ANKRD36C: variants seen among roughly 807,000 people sequenced by gnomAD.
ANKRD36C encodes the protein ankyrin repeat domain-containing protein 36C.
A neutral mutation model predicts 276.4 loss-of-function variants in ANKRD36C; 61 were observed. That is an observed-to-expected ratio of 0.22 (90% CI 0.18 to 0.27). The LOEUF (loss-of-function observed/expected upper bound fraction) is 0.27. Ranked by LOEUF, ANKRD36C falls within the 10% of genes least tolerant of loss-of-function variation. The pLI is 1.00. For synonymous variants in ANKRD36C, 483 were observed against 680.1 expected (o/e 0.71, Z 4.51); for missense variants, 1,447 against 2,032.3 (o/e 0.71, Z 5.54).
chr2:95,991,686 C>T (rs761940660), exon 1 of ANKRD36C: 4 of 1,613,654 alleles, frequency 2.5e-6, no homozygotes, highest in Middle Eastern at 1.6e-4. Context: ...GGTGGGCCAC[C>T]TCTTCGGCTC....
chr2:95,925,977 C>G lies in ANKRD36C; in HGVS notation c.1940-430G>C, dbSNP rs532800366. 1.1e-4 allele frequency among the ~76,000 whole-genome samples: 16 copies of G among 151,674 alleles called. No individual in the cohort carries two copies. The South Asian group carries it at 3.3e-3, about 32-fold the overall frequency. ...TTATACTGCAAGTATTCATCATGCT[C>G]TTTAACTTGCCTGGTAATTGAGCAG... On this transcript the variant is annotated intron_variant, in intron 28 of 66. Transcript: ENST00000456556.
intron 17 of ANKRD36C, among the ~76,000 whole-genome samples, chr2:95,948,227 A>C (rs537086061): frequency 6.6e-6 from 1 of 152,256 alleles, no homozygotes; most frequent in East Asian, 1.9e-4. Context: ...GCCTAGACCA[A>C]AATTTGTATC....
rs2872926 is a variant in ANKRD36C at position 95,851,804 on chromosome 2, A to T, written c.5220-17T>A. 3.9e-6 allele frequency: 6 copies of T among 1,522,096 alleles called. No homozygotes were observed. In the East Asian group the frequency reaches 1.5e-4, roughly 37 times the overall value. 94.3% of individuals were successfully genotyped at this position (1,522,096 alleles called of 1,614,324 possible). A position where few individuals can be genotyped will look rare whatever the true frequency, so the allele number is the denominator to read the frequency against. On this transcript the variant is annotated splice_polypyrimidine_tract_variant and intron_variant, in intron 65 of 66. Transcript: ENST00000456556. ...ACTTCAAGCCTAAAATGTGCATTTT[A>T]AAATAATTACTCTCACACATAATTG... is the stretch of plus-strand genomic sequence containing the variant.
chr2:95,917,151 A>T (rs946047688), intron 36 of ANKRD36C, among the ~76,000 whole-genome samples: 9 of 151,636 alleles, frequency 5.9e-5, no homozygotes, highest in African/African-American at 2.2e-4. Context: ...AGTAAAGTCA[A>T]CAAAACATGT....
At chr2:95,909,800 G>T (rs985873045) in intron 42 of ANKRD36C, among the ~76,000 whole-genome samples, 6 of 149,996 alleles carry the variant, frequency 4.0e-5, no homozygotes, top group Admixed American at 1.3e-4. Flanking sequence ...CCAAAATCAA[G>T]TATTTTTTAT....
chr2:95,957,212 A>G (rs1678347990), intron 12 of ANKRD36C, among the ~76,000 whole-genome samples: 1 of 152,306 alleles, frequency 6.6e-6, no homozygotes, highest in South Asian at 2.1e-4. Context: ...TACTCAGGAG[A>G]CTGAGACAGG....
exon 56 of ANKRD36C, chr2:95,882,335 T>C (rs1159921871): frequency 1.3e-6 from 2 of 1,552,386 alleles, no homozygotes; most frequent in African/African-American, 1.4e-5. Context: ...GTTATTCTTG[T>C]GGCAATATTC....
chr2:95,938,397 G>C (rs1573784395), intron 22 of ANKRD36C, among the ~76,000 whole-genome samples: 1 of 152,268 alleles, frequency 6.6e-6, no homozygotes, highest in Non-Finnish European at 1.5e-5. Context: ...GTAATCAGAA[G>C]ATGTGATTAA....
intron 6 of ANKRD36C, among the ~76,000 whole-genome samples, chr2:95,971,256 T>G (rs1416863247): frequency 7.1e-6 from 1 of 140,010 alleles, no homozygotes; most frequent in Non-Finnish European, 1.6e-5. Flanking sequence ...GGCGGGTACA[T>G]TTATTATACA....
At chr2:95,983,430 A>AT (rs1470439785) in intron 3 of ANKRD36C, among the ~76,000 whole-genome samples, 1 of 151,514 alleles carries the variant, frequency 6.6e-6, no homozygotes, top group Non-Finnish European at 1.5e-5. Context: ...AAATTTATTT[A>AT]TATTCTAGTT....
chr2:95,885,916 T>A (rs1676190255), intron 52 of ANKRD36C, 132 bp downstream of exon 72: 3 of 1,513,394 alleles, frequency 2.0e-6, no homozygotes, highest in Non-Finnish European at 2.7e-6. Context: ...CGAGGACTTA[T>A]TACAAATGAA....
chr2:95,939,925 A>C (rs1238046663), intron 20 of ANKRD36C, among the ~76,000 whole-genome samples: 2 of 152,298 alleles, frequency 1.3e-5, no homozygotes, highest in Non-Finnish European at 2.9e-5. Flanking sequence ...TATGCATTAC[A>C]CATCAAATAA....
intron 6 of ANKRD36C, among the ~76,000 whole-genome samples, chr2:95,971,084 T>C (rs1678687511): frequency 1.3e-5 from 2 of 152,110 alleles, no homozygotes; most frequent in Admixed American, 1.3e-4. Context: ...TTATGTTCTG[T>C]AATATAGAAA....
At chr2:95,875,187 C>T (rs1406342866) in intron 59 of ANKRD36C, among the ~76,000 whole-genome samples, 1 of 152,084 alleles carries the variant, frequency 6.6e-6, no homozygotes, top group Non-Finnish European at 1.5e-5. Context: ...TGGGTATATA[C>T]CCAAAGGACT....
At position 95,919,855 on chromosome 2, in the gene ANKRD36C, G is replaced by A. The variant is rs1234089242; in HGVS notation, c.2245+1752C>T. On this transcript the variant is annotated intron_variant, in intron 34 of 66. Coordinates refer to ENST00000456556, the Ensembl canonical transcript of ANKRD36C. ...ATAAATAAATAAATCAATGAAGTAT[G>A]TGTCATAGACTACAATGTAAATGAG... 11 of 1,537,848 alleles carry A rather than the reference G, an allele frequency of 7.2e-6. 1 individual carries two copies. The highest frequency in any genetic ancestry group is 1.1e-5 in the South Asian group (1 of 88,356).
intron 56 of ANKRD36C, 79 bp downstream of exon 76, chr2:95,882,223 C>G: frequency 6.7e-7 from 1 of 1,500,268 alleles, no homozygotes; most frequent in Non-Finnish European, 9.0e-7. Context: ...TCAATGAGCC[C>G]CCTGCTGATC....
intron 59 of ANKRD36C, chr2:95,875,880 C>T (rs1675940876): frequency 7.1e-6 from 2 of 281,344 alleles, no homozygotes; most frequent in Admixed American, 4.5e-5. Context: ...TGTTTGTACA[C>T]TAATACCAAA....
intron 24 of ANKRD36C, among the ~76,000 whole-genome samples, chr2:95,930,165 T>C (rs554404042): frequency 7.9e-5 from 12 of 151,688 alleles, no homozygotes; most frequent in African/African-American, 2.7e-4. Flanking sequence ...TTTTATTAAG[T>C]TGCTATTTTA....
downstream of ANKRD36C, among the ~76,000 whole-genome samples, chr2:95,849,679 G>A (rs1298635156): frequency 2.6e-5 from 4 of 152,188 alleles, no homozygotes; most frequent in African/African-American, 7.2e-5. Flanking sequence ...TGGTCCCATC[G>A]TGAAGAGAAA....
Sources: allele counts gnomAD v4.1 joint callset (sites outside exome capture counted in the v4.1 genomes callset), GRCh38; gene constraint gnomAD v4.1.1; transcripts MANE v1.5; gene names NCBI Gene and HGNC (gene_info 2026-07-23, HGNC 2026-07-21).